EVC2: variants seen among roughly 807,000 people sequenced by gnomAD.
EVC2 encodes EvC ciliary complex subunit 2.
EVC2 carries 148 observed loss-of-function variants against 149.3 expected under a neutral mutation model. The ratio of observed to expected loss-of-function variants is 0.99; its 90% CI spans 0.87 to 1.14. The LOEUF (loss-of-function observed/expected upper bound fraction) is 1.14. Ranked by LOEUF, EVC2 falls within the 50% of genes most tolerant of loss-of-function variation. The pLI is 0.00. For missense variants in EVC2, 1,854 were observed against 1,627.3 expected, an observed-to-expected ratio of 1.14 and a Z score of -2.40; for synonymous variants, 776 against 649.9, an observed-to-expected ratio of 1.19 and a Z score of -2.95.
chr4:5,610,243 C>A (rs1386671360), intron 16 of EVC2, among the ~76,000 whole-genome samples: 7 of 152,078 alleles, frequency 4.6e-5, no homozygotes, highest in African/African-American at 1.7e-4. Flanking sequence ...CTCATATGTA[C>A]ACACACACAT....
intron 16 of EVC2, among the ~76,000 whole-genome samples, chr4:5,592,656 C>T (rs1440547597): frequency 6.6e-6 from 1 of 152,194 alleles, no homozygotes; most frequent in African/African-American, 2.4e-5. Flanking sequence ...CAAGTGGGCT[C>T]GCACATGTGC....
At chr4:5,705,443 T>C (rs1189886065) in intron 1 of EVC2, among the ~76,000 whole-genome samples, 5 of 152,316 alleles carry the variant, frequency 3.3e-5, no homozygotes, top group East Asian at 1.9e-4. Flanking sequence ...TTTATCAACA[T>C]TTACTCTCTT....
At chr4:5,555,017 CGTGTGTGT>C (rs35387388) in intron 21 of EVC2, among the ~76,000 whole-genome samples, 9 of 149,300 alleles carry the variant, frequency 6.0e-5, no homozygotes, top group South Asian at 4.2e-4. Flanking sequence ...AGAGAGGAAG[CGTGTGTGT>C]GTGTGTGTGT....
chr4:5,568,306 A>G (rs952080114), intron 20 of EVC2, 138 bp downstream of exon 20: 16 of 911,126 alleles, frequency 1.8e-5, no homozygotes, highest in Non-Finnish European at 2.6e-5. Flanking sequence ...TTTTCTTAAG[A>G]TTCTATTTAA....
intron 16 of EVC2, among the ~76,000 whole-genome samples, chr4:5,592,779 A>G (rs1712930953): frequency 1.3e-5 from 2 of 152,218 alleles, no homozygotes; most frequent in African/African-American, 4.8e-5. Flanking sequence ...AAAACACTGC[A>G]TATGTGGCTC....
intron 9 of EVC2, among the ~76,000 whole-genome samples, chr4:5,662,304 AC>A (rs1718931131): frequency 1.3e-5 from 2 of 151,910 alleles, no homozygotes; most frequent in Admixed American, 6.6e-5. Flanking sequence ...TAGACTTAAT[AC>A]CTGGATGATG....
chr4:5,599,003 A>G (rs527823394), intron 16 of EVC2, among the ~76,000 whole-genome samples: 4 of 152,102 alleles, frequency 2.6e-5, no homozygotes, highest in Non-Finnish European at 4.4e-5. Flanking sequence ...GAGAAATGCA[A>G]ATCAAAACCA....
intron 17 of EVC2, among the ~76,000 whole-genome samples, chr4:5,577,079 C>T (rs535181538): frequency 6.6e-5 from 10 of 152,326 alleles, no homozygotes; most frequent in East Asian, 3.9e-4. Context: ...ACTTTCCATA[C>T]GTGAATCTCA....
intron 16 of EVC2, among the ~76,000 whole-genome samples, chr4:5,604,261 A>C (rs1277764729): frequency 6.6e-6 from 1 of 152,214 alleles, no homozygotes; most frequent in African/African-American, 2.4e-5. Context: ...CGCTGTGAAA[A>C]GTAACAAGGG....
At chr4:5,560,129 C>T (rs1008443656), downstream of EVC2, among the ~76,000 whole-genome samples, 5 of 151,588 alleles carry the variant, frequency 3.3e-5, no homozygotes, top group South Asian at 2.1e-4. The surrounding 1 kb of genome is among the most constrained non-coding windows in gnomAD (Gnocchi z 4.1). Flanking sequence ...CACAGGGAGC[C>T]GAGCCCCTGC....
intron 16 of EVC2, among the ~76,000 whole-genome samples, chr4:5,611,245 G>A (rs1379995165): frequency 2.0e-5 from 3 of 152,116 alleles, no homozygotes; most frequent in Admixed American, 6.5e-5. Flanking sequence ...TGGACCCTGG[G>A]CTGGGCACTA....
chr4:5,696,107 T>C lies in EVC2; in HGVS notation c.283+1486A>G, dbSNP rs1356783480. 1.3e-5 allele frequency among the ~76,000 whole-genome samples: 2 copies of C among 152,156 alleles called. No homozygotes were observed. The highest frequency in any genetic ancestry group is 4.8e-5 in the African/African-American group (2 of 41,446). On this transcript the variant is annotated intron_variant, in intron 2 of 21. Transcript: ENST00000344408. The surrounding 1 kb of genome is among the most constrained non-coding windows in gnomAD (Gnocchi z 4.1). ...GCATCGGGAATGTCTGAGTAGAGCATATGGGTGCAAGTGAGACCGGACATC... is the reference window on the plus strand; with the variant it reads ...GCATCGGGAATGTCTGAGTAGAGCACATGGGTGCAAGTGAGACCGGACATC...
intron 16 of EVC2, among the ~76,000 whole-genome samples, chr4:5,585,915 G>A (rs1460810362): frequency 1.3e-5 from 2 of 151,658 alleles, no homozygotes; most frequent in Non-Finnish European, 2.9e-5. Flanking sequence ...AAGCTGGAGT[G>A]CAGTGGTGCA....
At chr4:5,646,726 A>G (rs567101295) in intron 9 of EVC2, among the ~76,000 whole-genome samples, 39 of 152,260 alleles carry the variant, frequency 2.6e-4, no homozygotes, top group African/African-American at 8.4e-4. Flanking sequence ...CATGAGGCCA[A>G]AGGTTTACAA....
rs540899820 is a variant in EVC2 at position 5,589,586 on chromosome 4, T to TG, written c.2830-4737dup. 3.7e-3 allele frequency among the ~76,000 whole-genome samples: 560 copies of TG among 152,334 alleles called. 6 individuals are homozygous for TG. Among genetic ancestry groups the TG allele is most frequent in the African/African-American group, 0.013 (522 of 41,586 alleles). On this transcript the variant is annotated intron_variant, in intron 16 of 21. Transcript: ENST00000344408. ...AAAGGGTCTACCCTAGTAGACCTGC[T>TG]GGGTTCCTTCTTGCTGTGCCTCAGC...
chr4:5,588,921 G>A (rs1240078410), intron 16 of EVC2, among the ~76,000 whole-genome samples: 1 of 152,198 alleles, frequency 6.6e-6, no homozygotes, highest in Middle Eastern at 3.2e-3. Flanking sequence ...CACAAGCTTA[G>A]CATTCCAATA....
At chr4:5,592,668 T>C (rs1712919476) in intron 16 of EVC2, among the ~76,000 whole-genome samples, 1 of 152,206 alleles carries the variant, frequency 6.6e-6, no homozygotes, top group African/African-American at 2.4e-5. Flanking sequence ...CACATGTGCA[T>C]TAAGAGGCAA....
Position 5,622,747 on chromosome 4 carries a change from A to G in EVC2, c.2291T>C (p.Leu764Pro). The G allele has an allele frequency of 6.2e-7, 1 of 1,613,944 alleles. No individual in the cohort carries two copies. Among genetic ancestry groups the G allele is most frequent in the Non-Finnish European group, 8.5e-7 (1 of 1,180,014 alleles). ...GAAGAGCCAGGGCACCCCACGCTTGAGCAGCTCCTGGGTCATGGCTGAGTT... is the reference window on the plus strand; with the variant it reads ...GAAGAGCCAGGGCACCCCACGCTTGGGCAGCTCCTGGGTCATGGCTGAGTT... ...LQNSAMTQEL[L>P]KRGVPWLFLQ... The change falls in exon 14 of 22, where the codon CTC becomes CCC. Residue 764 changes from leucine to proline, a missense_variant. Transcript: ENST00000344408. This position sits in a 1 kb window ranked among gnomAD's most constrained non-coding sequence, Gnocchi z 5.8.
At chr4:5,561,066 A>G (rs578200245), downstream of EVC2, among the ~76,000 whole-genome samples, 7 of 152,350 alleles carry the variant, frequency 4.6e-5, no homozygotes, top group Admixed American at 2.6e-4. Context: ...AGCCTCTTCA[A>G]TCAGGCTTCA....
Sources: allele counts gnomAD v4.1 joint callset (sites outside exome capture counted in the v4.1 genomes callset), GRCh38; gene constraint gnomAD v4.1.1; non-coding constraint Gnocchi (gnomAD v3.1); transcripts MANE v1.5; gene names NCBI Gene and HGNC (gene_info 2026-07-23, HGNC 2026-07-21).